The following NDP variants were observed in gnomAD, a reference collection of about 807,000 sequenced individuals.
NDP encodes norrin.
A neutral mutation model predicts 8.4 loss-of-function variants in NDP; 2 were observed. The observed-to-expected ratio is 0.24, with a 90% confidence interval of 0.10 to 0.75. The LOEUF is 0.75. NDP is among the 30% of genes least tolerant of loss of function. NDP has a pLI of 0.73. For missense variants in NDP, 81 were observed against 110.1 expected (o/e 0.74, Z 1.18); for synonymous variants, 55 against 45.6 (o/e 1.21, Z -0.83).
intron 1 of NDP, among the ~76,000 whole-genome samples, chrX:43,969,925 G>A (rs906724204): frequency 8.9e-6 from 1 of 111,833 alleles, no homozygotes; most frequent in African/African-American, 3.3e-5. Flanking sequence ...GGAGGAGGAA[G>A]GACTTGCAGG....
chrX:43,967,569 C>A (rs1188891481), intron 1 of NDP, among the ~76,000 whole-genome samples: 1 of 111,482 alleles, frequency 9.0e-6, no homozygotes, highest in South Asian at 3.8e-4. Flanking sequence ...TAAAGGGATC[C>A]TTCCCTTTCT....
chrX:43,967,728 C>T (rs894304496), intron 1 of NDP, among the ~76,000 whole-genome samples: 10 of 111,285 alleles, frequency 9.0e-5, no homozygotes, highest in Non-Finnish European at 1.7e-4. Context: ...AAGAGGACTC[C>T]ACGTTTAGGG....
chrX:43,968,786 G>A (rs1220311893), intron 1 of NDP, among the ~76,000 whole-genome samples: 1 of 112,514 alleles, frequency 8.9e-6, no homozygotes, highest in African/African-American at 3.2e-5. Context: ...AACCCAAGAA[G>A]TGGTAGTGGA....
intron 1 of NDP, among the ~76,000 whole-genome samples, chrX:43,970,101 A>G (rs2035883527): frequency 8.9e-6 from 1 of 112,145 alleles, no homozygotes; most frequent in Non-Finnish European, 1.9e-5. Context: ...GAGGAATTCC[A>G]AACATACCAT....
chrX:43,956,890 G>C (rs1455715732), intron 2 of NDP, among the ~76,000 whole-genome samples: 1 of 111,727 alleles, frequency 9.0e-6, no homozygotes, highest in Non-Finnish European at 1.9e-5. Context: ...TTCGGTTTGA[G>C]TTCATGATGT....
chrX:43,965,729 A>G (rs1489089126), intron 1 of NDP, among the ~76,000 whole-genome samples: 2 of 111,700 alleles, frequency 1.8e-5, no homozygotes, highest in Non-Finnish European at 3.8e-5. Flanking sequence ...ACAATCTCTG[A>G]TACTCTGGTT....
At chrX:43,963,066 C>T (rs2035835565) in intron 1 of NDP, among the ~76,000 whole-genome samples, 1 of 112,180 alleles carries the variant, frequency 8.9e-6, no homozygotes, top group Non-Finnish European at 1.9e-5. Context: ...CCAAGAATGG[C>T]CTTATTCTTG....
intron 2 of NDP, among the ~76,000 whole-genome samples, chrX:43,951,382 T>C (rs1442238543): frequency 9.0e-6 from 1 of 110,810 alleles, no homozygotes; most frequent in African/African-American, 3.3e-5. Context: ...GCCACTGTAC[T>C]CCAGCATGAG....
intron 1 of NDP, among the ~76,000 whole-genome samples, chrX:43,970,241 C>T (rs909929373): frequency 3.6e-5 from 4 of 112,284 alleles, no homozygotes; most frequent in African/African-American, 9.7e-5. Flanking sequence ...CCTGCTTCCC[C>T]GCTCTGCCTT....
In NDP at chrX:43,951,644, A is replaced by C. The variant is rs189926023; in HGVS notation, c.175-1618T>G. Among the ~76,000 whole-genome samples, 8 of 112,106 alleles carry C rather than the reference A, an allele frequency of 7.1e-5. No individual in the cohort carries two copies. In the East Asian group the frequency reaches 2.2e-3, roughly 31 times the overall value. The stretch of plus-strand genomic sequence containing the variant: ...GCAGAATTAAACACCCAAGGTTTAC[A>C]AGAAAAAAATAGCCAGTCCATCTTT... On this transcript the variant is annotated intron_variant, in intron 2 of 2. Coordinates refer to ENST00000642620, the MANE Select transcript of NDP (RefSeq NM_000266.4).
At chrX:43,955,883 A>ATT (rs144868028) in intron 2 of NDP, among the ~76,000 whole-genome samples, 1 of 110,073 alleles carries the variant, frequency 9.1e-6, no homozygotes, top group Non-Finnish European at 1.9e-5. Context: ...ACTATTATTT[A>ATT]TTTTTTCTAG....
At chrX:43,971,257 A>G (rs1203699219) in intron 1 of NDP, among the ~76,000 whole-genome samples, 1 of 112,090 alleles carries the variant, frequency 8.9e-6, no homozygotes, top group Non-Finnish European at 1.9e-5. Flanking sequence ...TTATTTAAAA[A>G]TTGATGAAAT....
At chrX:43,963,251 A>AT (rs2035836851) in intron 1 of NDP, among the ~76,000 whole-genome samples, 1 of 111,881 alleles carries the variant, frequency 8.9e-6, no homozygotes, top group Admixed American at 9.5e-5. Flanking sequence ...CAGATAAGAG[A>AT]TAGGGTCAGG....
At position 43,948,863 on chromosome X, in the gene NDP, A is replaced by G. The variant is rs895306881; in HGVS notation, c.*936T>C. On this transcript the variant is annotated 3_prime_UTR_variant, in exon 3 of 3. Transcript: ENST00000642620. ...CAAAACACATTTGAACCAAACGTTC[A>G]GAAGACAAGCCAGGCCACCATTTTG... 8.9e-6 allele frequency: 1 copy of G among 112,322 alleles called. No homozygotes were observed. Among genetic ancestry groups the G allele is most frequent in the Non-Finnish European group, 1.9e-5 (1 of 53,308 alleles). 9.3% of individuals were successfully genotyped at this position (112,322 alleles called of 1,213,427 possible).
intron 1 of NDP, among the ~76,000 whole-genome samples, chrX:43,961,751 G>T (rs1049581943): frequency 4.5e-5 from 5 of 111,222 alleles, no homozygotes; most frequent in Non-Finnish European, 9.4e-5. Flanking sequence ...TACTGTTTGT[G>T]CCAGTTTGAG....
Position 43,950,024 on chromosome X carries a change from C to A in NDP, c.177G>T (p.Met59Ile). 8.4e-7 allele frequency: 1 copy of A among 1,194,805 alleles called. No homozygotes were observed. The highest frequency in any genetic ancestry group is 1.1e-6 in the Non-Finnish European group (1 of 885,824). Residue 59 changes from methionine (M) to isoleucine (I), a missense_variant and splice_region_variant, in exon 3 of 3, where the codon ATG becomes ATT. Met to Ile is a conservative substitution (Grantham distance 10). Transcript: ENST00000642620. ...SHPLYKCSSK[M>I]VLLARCEGHC... The stretch of plus-strand genomic sequence containing the variant: ...GCCCCTCGCACCTGGCCAGGAGCAC[C>A]ATCTGGGGAAAGAAAAGGAGGTGGT...
rs900763338 is a variant in NDP, at chrX:43,972,111, C to A, written c.-208+1193G>T. ...TGGGGTAATTTGCCAATGCCAGCTC[C>A]TTGTAATTAAAATACACTAATATTA... On this transcript the variant is annotated intron_variant, in intron 1 of 2. Coordinates refer to ENST00000642620, the MANE Select transcript of NDP (RefSeq NM_000266.4). Among the ~76,000 whole-genome samples the A allele has an allele frequency of 8.1e-5, 9 of 111,684 alleles. No homozygotes were observed. The East Asian group carries it at 2.5e-3, about 31-fold the overall frequency.
intron 1 of NDP, among the ~76,000 whole-genome samples, chrX:43,963,524 A>C (rs1295684274): frequency 1.8e-5 from 2 of 112,621 alleles, no homozygotes. Flanking sequence ...GGTATGAAGC[A>C]TAAATAAAGT....
chrX:43,970,692 G>C (rs2035886817), intron 1 of NDP, among the ~76,000 whole-genome samples: 1 of 111,214 alleles, frequency 9.0e-6, no homozygotes, highest in Non-Finnish European at 1.9e-5. Context: ...TTGATACTGG[G>C]GGTGGGACAA....
Sources: allele counts gnomAD v4.1 joint callset (sites outside exome capture counted in the v4.1 genomes callset), GRCh38; gene constraint gnomAD v4.1.1; transcripts MANE v1.5; gene names NCBI Gene and HGNC (gene_info 2026-07-23, HGNC 2026-07-21).